The following MXRA7 variants were observed in gnomAD, a reference collection of about 807,000 sequenced individuals.
MXRA7 encodes the protein matrix remodeling associated 7, also known as matrix-remodeling-associated protein 7.
In MXRA7, 18 loss-of-function variants were observed where a neutral mutation model predicts 17.4. The ratio of observed to expected loss-of-function variants is 1.03; its 90% CI spans 0.71 to 1.53. MXRA7 has a LOEUF of 1.53. Among genes scored for constraint, MXRA7 ranks in the 40% most tolerant of loss-of-function variants. MXRA7 has a pLI of 0.00. For missense variants in MXRA7, 141 were observed against 209.3 expected, an observed-to-expected ratio of 0.67 and a Z score of 2.01; for synonymous variants, 70 against 101.7, an observed-to-expected ratio of 0.69 and a Z score of 1.87.
At chr17:76,686,324 CA>C (rs985251143) in intron 2 of MXRA7, among the ~76,000 whole-genome samples, 1 of 152,016 alleles carries the variant, frequency 6.6e-6, no homozygotes. Flanking sequence ...ACTAAAAATA[CA>C]AAAAATTAGC....
chr17:76,695,746 A>G (rs2076527427), intron 1 of MXRA7, among the ~76,000 whole-genome samples: 1 of 152,166 alleles, frequency 6.6e-6, no homozygotes, highest in Non-Finnish European at 1.5e-5. Context: ...CGGCTCTTCC[A>G]GTGGCTCTAC....
At chr17:76,688,262 GAGGCCCTCGA>G in intron 1 of MXRA7, 86 bp from the exon 2 acceptor site, 1 of 1,577,190 alleles carries the variant, frequency 6.3e-7, no homozygotes, top group Non-Finnish European at 8.6e-7. Context: ...GGAGACAGAG[GAGGCCCTCGA>G]AGGTCCAGCC....
chr17:76,673,299 T>A (rs1162553626), exon 4 of MXRA7: 2 of 152,206 alleles, frequency 1.3e-5, no homozygotes, highest in Non-Finnish European at 2.9e-5. Flanking sequence ...GTAGGAAACC[T>A]CCTCATCTGC....
At chr17:76,698,494 A>G (rs1465182931) in intron 1 of MXRA7, among the ~76,000 whole-genome samples, 1 of 152,100 alleles carries the variant, frequency 6.6e-6, no homozygotes, top group Non-Finnish European at 1.5e-5. Context: ...CTCCCCCTCC[A>G]AACTACAGCT....
intron 1 of MXRA7, among the ~76,000 whole-genome samples, chr17:76,706,269 G>A (rs78269626): frequency 3.3e-5 from 2 of 60,880 alleles, no homozygotes; most frequent in Non-Finnish European, 7.1e-5. Context: ...AGAGGCCCAC[G>A]CTGCCGTCAC....
chr17:76,683,992 G>A (rs972141795), intron 3 of MXRA7: 47 of 1,251,516 alleles, frequency 3.8e-5, no homozygotes, highest in Admixed American at 6.7e-5. Flanking sequence ...CTGAGGACTC[G>A]GGGCTCCTGC....
chr17:76,697,567 G>A (rs2076545222), intron 1 of MXRA7, among the ~76,000 whole-genome samples: 1 of 152,230 alleles, frequency 6.6e-6, no homozygotes, highest in Non-Finnish European at 1.5e-5. Flanking sequence ...ACTGATCAGA[G>A]TCTCAGCATT....
At chr17:76,685,197 GTGCT>G (rs1369320300) in intron 2 of MXRA7, 32 bp from the exon 3 acceptor site, 15 of 1,550,370 alleles carry the variant, frequency 9.7e-6, no homozygotes, top group Non-Finnish European at 1.3e-5. Context: ...AGTGCCAGGA[GTGCT>G]GTAGAGGCTG....
chr17:76,688,890 G>A (rs4789344), intron 1 of MXRA7: 109,478 of 334,526 alleles, frequency 0.33, 19,052 homozygotes, highest in Non-Finnish European at 0.37. Context: ...GGGTAGATGT[G>A]GAAATGAATG....
chr17:76,684,884 G>A (rs1225675936), intron 3 of MXRA7, among the ~76,000 whole-genome samples, 188 bp downstream of exon 3: 1 of 152,124 alleles, frequency 6.6e-6, no homozygotes, highest in African/African-American at 2.4e-5. Flanking sequence ...AGGGGTGTGC[G>A]AGCCTGGCTG....
At chr17:76,695,681 G>A (rs995784270) in intron 1 of MXRA7, among the ~76,000 whole-genome samples, 1 of 152,188 alleles carries the variant, frequency 6.6e-6, no homozygotes, top group Admixed American at 6.5e-5. Context: ...GTAGAGAGAA[G>A]GGCATCTGGG....
intron 1 of MXRA7, among the ~76,000 whole-genome samples, chr17:76,696,050 G>A (rs1230615096): frequency 6.6e-6 from 1 of 151,946 alleles, no homozygotes; most frequent in African/African-American, 2.4e-5. Flanking sequence ...AGCCGAGATC[G>A]CACCACTGCA....
In MXRA7 at chr17:76,681,973, G is replaced by A. The variant is rs937437575; in HGVS notation, c.501-1094C>T. 3.9e-5 allele frequency among the ~76,000 whole-genome samples: 6 copies of A among 152,210 alleles called. No homozygotes were observed. Among genetic ancestry groups the A allele is most frequent in the African/African-American group, 1.4e-4 (6 of 41,444 alleles). On this transcript the variant is annotated intron_variant, in intron 3 of 3. Coordinates refer to ENST00000449428, the MANE Select transcript of MXRA7 (RefSeq NM_198530.4). The surrounding 1 kb of genome is among the most constrained non-coding windows in gnomAD (Gnocchi z 4.7). ...CATGAAGTGTGTGAAACTCCGGCCC[G>A]AGGGGAGAGCTGAGGAGGCGGGCAG... is the stretch of plus-strand genomic sequence containing the variant.
In MXRA7 at chr17:76,688,521, A is replaced by C. The variant is rs967001780; in HGVS notation, c.343-345T>G. 12 of 1,296,382 alleles carry C rather than the reference A, an allele frequency of 9.3e-6. No individual in the cohort carries two copies. In the African/African-American group the frequency reaches 1.7e-4, roughly 18 times the overall value. 80.3% of individuals were successfully genotyped at this position (1,296,382 alleles called of 1,614,324 possible). A position where few individuals can be genotyped will look rare whatever the true frequency, so the allele number is the denominator to read the frequency against. Reference sequence around the variant, plus strand: ...CACTGCGACGCTGCGGCCAGCAGACAAAGGGTGCAAGAGGAAAGCTGGCTG... The same window carrying C: ...CACTGCGACGCTGCGGCCAGCAGACCAAGGGTGCAAGAGGAAAGCTGGCTG... On this transcript the variant is annotated intron_variant, in intron 1 of 3. Transcript: ENST00000449428.
At position 76,681,076 on chromosome 17, in the gene MXRA7, G is replaced by T. The variant is rs1308886811; in HGVS notation, c.501-197C>A. On this transcript the variant is annotated intron_variant, in intron 3 of 3. Coordinates refer to ENST00000449428, the MANE Select transcript of MXRA7 (RefSeq NM_198530.4). This position sits in a 1 kb window ranked among gnomAD's most constrained non-coding sequence, Gnocchi z 4.7. Reference sequence around the variant, plus strand: ...CAAGACAGTCTGTGCCGCCAAGCCGGCCAGAGCTTGCAGAGCTCCCCTTGA... The same window carrying T: ...CAAGACAGTCTGTGCCGCCAAGCCGTCCAGAGCTTGCAGAGCTCCCCTTGA... 6.6e-6 allele frequency among the ~76,000 whole-genome samples: 1 copy of T among 152,144 alleles called. No individual in the cohort carries two copies. The highest frequency in any genetic ancestry group is 2.4e-5 in the African/African-American group (1 of 41,426).
intron 1 of MXRA7, among the ~76,000 whole-genome samples, chr17:76,698,712 GTTTTTTTTTTTT>G (rs3078394): frequency 1.8e-5 from 1 of 54,914 alleles, no homozygotes; most frequent in South Asian, 9.2e-4. Flanking sequence ...CTTCCTTTCT[GTTTTTTTTTTTT>G]TTTTTTTTTT....
chr17:76,685,182 C>T lies in MXRA7; in HGVS notation c.407-17G>A, dbSNP rs771791635. The T allele has an allele frequency of 6.3e-7, 1 of 1,598,096 alleles. No homozygotes were observed. The highest frequency in any genetic ancestry group is 1.7e-5 in the Admixed American group (1 of 59,992). On this transcript the variant is annotated splice_polypyrimidine_tract_variant and intron_variant, in intron 2 of 3. Transcript: ENST00000449428. ...AGCCTTCTCCTGTGGAGGGGGGACC[C>T]AGTAAGTGCCAGGAGTGCTGTAGAG... is the stretch of plus-strand genomic sequence containing the variant.
At chr17:76,700,592 C>T (rs548871580) in intron 1 of MXRA7, among the ~76,000 whole-genome samples, 2 of 152,294 alleles carry the variant, frequency 1.3e-5, no homozygotes, top group African/African-American at 2.4e-5. Context: ...GAGCCCACAG[C>T]GATTTCTGTT....
In MXRA7 at chr17:76,701,617, C is replaced by T. The variant is rs76803288; in HGVS notation, c.342+8988G>A. 2.6e-5 allele frequency among the ~76,000 whole-genome samples: 4 copies of T among 151,976 alleles called. No homozygotes were observed. In the East Asian group the frequency reaches 7.8e-4, roughly 29 times the overall value. On this transcript the variant is annotated intron_variant, in intron 1 of 3. Coordinates refer to ENST00000449428, the MANE Select transcript of MXRA7 (RefSeq NM_198530.4). ...TTGATATTATGGGCATGAGCTCTTC[C>T]AGCAGGGCAAAGAGCAGAGGGAGTG...
Sources: gnomAD v4.1 joint callset for allele counts (sites outside exome capture counted in the v4.1 genomes callset) on GRCh38, gnomAD v4.1.1 for gene constraint, Gnocchi (gnomAD v3.1) non-coding constraint, MANE v1.5 for transcripts, NCBI Gene and HGNC (gene_info 2026-07-23, HGNC 2026-07-21) for gene names.